Variants in GFRA4 observed in about 807,000 individuals in gnomAD.
GFRA4 encodes the protein GDNF family receptor alpha 4, also known as GDNF family receptor alpha-4.
A neutral mutation model predicts 28.5 loss-of-function variants in GFRA4; 31 were observed. The ratio of observed to expected loss-of-function variants is 1.09; its 90% CI spans 0.82 to 1.47. The LOEUF is 1.47. Ranked by LOEUF, GFRA4 falls within the 40% of genes most tolerant of loss-of-function variation. The pLI, the probability that GFRA4 is intolerant of heterozygous loss-of-function variation, is 0.00. For missense variants in GFRA4, 389 were observed against 413.2 expected (o/e 0.94, Z 0.51); for synonymous variants, 188 against 188.0 (o/e 1.00, Z 0.00).
At position 3,660,664 on chromosome 20, in the gene GFRA4, C is replaced by T. The variant is rs768661396; in HGVS notation, c.503-4G>A. ...TAGTTAGGGGTGACGGCGGTGCCTGCGGGGACCCTGAGGGCGAAGTCATCG... is the reference window on the plus strand; with the variant it reads ...TAGTTAGGGGTGACGGCGGTGCCTGTGGGGACCCTGAGGGCGAAGTCATCG... On this transcript the variant is annotated splice_region_variant and splice_polypyrimidine_tract_variant and intron_variant, in intron 3 of 5. Coordinates refer to ENST00000290417, the MANE Select transcript of GFRA4 (RefSeq NM_022139.4). 1.3e-6 allele frequency: 2 copies of T among 1,546,092 alleles called. No homozygotes were observed. Among genetic ancestry groups the T allele is most frequent in the Non-Finnish European group, 1.7e-6 (2 of 1,145,452 alleles).
chr20:3,659,465 C>T lies in GFRA4; in HGVS notation c.*444G>A, dbSNP rs368325338. ...CCAGTTGGGAGGATGCAGTGTTAGA[C>T]GGGGTCTTGTCCGATGGATTCCTTA... On this transcript the variant is annotated 3_prime_UTR_variant, in exon 6 of 6. Transcript: ENST00000290417. 2 of 187,068 alleles carry T rather than the reference C, an allele frequency of 1.1e-5. No individual in the cohort carries two copies. The highest frequency in any genetic ancestry group is 2.3e-5 in the Non-Finnish European group (2 of 88,654). 11.6% of individuals were successfully genotyped at this position (187,068 alleles called of 1,614,324 possible). A position where few individuals can be genotyped will look rare whatever the true frequency, so the allele number is the denominator to read the frequency against.
chr20:3,659,495 G>T lies in GFRA4; in HGVS notation c.*414C>A, dbSNP rs535048113. On this transcript the variant is annotated 3_prime_UTR_variant, in exon 6 of 6. Coordinates refer to ENST00000290417, the MANE Select transcript of GFRA4 (RefSeq NM_022139.4). ...TCTTGTCCGATGGATTCCTTAGGGG[G>T]TTATATGCTTGGGAGGCTGATACAA... The T allele has an allele frequency of 2.7e-5, 6 of 221,358 alleles. No individual in the cohort carries two copies. Among genetic ancestry groups the T allele is most frequent in the South Asian group, 2.4e-4 (4 of 16,798 alleles). The allele number at this position is 221,358 out of a possible 1,614,324, so 13.7% of individuals were successfully genotyped here.
At position 3,660,890 on chromosome 20, in the gene GFRA4, G is replaced by A. The variant is rs760029784; in HGVS notation, c.393-26C>T. ...CTGCGCGGCGGGAGGGCGGTGAGCC[G>A]GAGAGAGGCCCCGTCCCCACCCTCG... On this transcript the variant is annotated intron_variant, in intron 2 of 5. Coordinates refer to ENST00000290417, the MANE Select transcript of GFRA4 (RefSeq NM_022139.4). 4.3e-5 allele frequency: 60 copies of A among 1,401,422 alleles called. No individual in the cohort carries two copies. Among genetic ancestry groups the A allele is most frequent in the Non-Finnish European group, 5.5e-5 (60 of 1,088,630 alleles). The allele number at this position is 1,401,422 out of a possible 1,614,324, so 86.8% of individuals were successfully genotyped here.
In GFRA4 at chr20:3,661,645, C is replaced by T. The variant is rs891710784; in HGVS notation, c.47-356G>A. 5.3e-5 allele frequency among the ~76,000 whole-genome samples: 8 copies of T among 152,276 alleles called. No homozygotes were observed. In the East Asian group the frequency reaches 9.7e-4, roughly 18 times the overall value. On this transcript the variant is annotated intron_variant, in intron 1 of 5. Transcript: ENST00000290417. ...TCCTACACTCAATGGCACTACCTGACGGGGGAACAATGAGGCTTTCTGGGG... is the reference window on the plus strand; with the variant it reads ...TCCTACACTCAATGGCACTACCTGATGGGGGAACAATGAGGCTTTCTGGGG...
chr20:3,660,595 C>T lies in GFRA4; in HGVS notation c.568G>A (p.Gly190Arg), dbSNP rs1256731635. Residue 190 changes from glycine to arginine, a missense_variant, in exon 4 of 6, where the codon GGA (glycine) becomes AGA (arginine). Coordinates refer to ENST00000290417, the MANE Select transcript of GFRA4 (RefSeq NM_022139.4). Reference sequence around the variant, plus strand: ...TCCTCACGCCGGTTCCCGCTGGCTCCGCAGTCGCACCAGGGCGCCACGCGC... The same window carrying T: ...TCCTCACGCCGGTTCCCGCTGGCTCTGCAGTCGCACCAGGGCGCCACGCGC... ...SARVAPWCDC[G>R]ASGNRREDCE... is the part of the protein sequence containing the mutation. 1.6e-5 allele frequency: 25 copies of T among 1,550,914 alleles called. No individual in the cohort carries two copies. Among genetic ancestry groups the T allele is most frequent in the African/African-American group, 2.7e-5 (2 of 73,140 alleles).
chr20:3,660,812 C>G lies in GFRA4; in HGVS notation c.445G>C (p.Asp149His). Reference sequence around the variant, plus strand: ...GCGCCCTGGTCCAGCAGGCAGCCGTCGGGGGCGCTGGGCGCTGGGGTGCAC... The same window carrying G: ...GCGCCCTGGTCCAGCAGGCAGCCGTGGGGGGCGCTGGGCGCTGGGGTGCAC... ...VSCTPAPSAP[D>H]GCLLDQGARC... Residue 149 changes from aspartate (D) to histidine (H), a missense_variant, in exon 3 of 6, where the codon GAC becomes CAC. Coordinates refer to ENST00000290417, the MANE Select transcript of GFRA4 (RefSeq NM_022139.4). 5 of 1,415,192 alleles carry G rather than the reference C, an allele frequency of 3.5e-6. 1 individual carries two copies. The highest frequency in any genetic ancestry group is 4.4e-4 in the Middle Eastern group (2 of 4,516). 87.7% of individuals were successfully genotyped at this position (1,415,192 alleles called of 1,614,324 possible).
At position 3,663,393 on chromosome 20, in the gene GFRA4, G is replaced by A. The variant is rs143428131; in HGVS notation, c.7C>T (p.Arg3Cys). MV[R>C]CLGPALLLLL... Reference sequence around the variant, plus strand: ...AGCAGCAGCGCAGGCCCCAGGCAGCGGACCATGCTGGACCTTCAACAGAGA... The same window carrying A: ...AGCAGCAGCGCAGGCCCCAGGCAGCAGACCATGCTGGACCTTCAACAGAGA... Residue 3 changes from arginine (R) to cysteine (C), a missense_variant, in exon 1 of 6, where the codon CGC becomes TGC. Transcript: ENST00000290417. The A allele has an allele frequency of 1.6e-4, 265 of 1,609,336 alleles. 1 individual carries two copies. In the African/African-American group the frequency reaches 3.1e-3, roughly 19 times the overall value.
At chr20:3,660,919 C>A in intron 2 of GFRA4, 25 bp downstream of exon 2, 1 of 1,378,118 alleles carries the variant, frequency 7.3e-7, no homozygotes, top group African/African-American at 1.5e-5. Flanking sequence ...ACCCTCGCCA[C>A]GGCCCCGCCG....
intron 1 of GFRA4, among the ~76,000 whole-genome samples, chr20:3,661,512 T>C (rs1044194513): frequency 4.6e-5 from 7 of 152,110 alleles, no homozygotes; most frequent in Admixed American, 1.3e-4. Context: ...AGAGGGAGCA[T>C]GGAGGCTGAG....
rs574940551 is a variant in GFRA4 at position 3,661,506 on chromosome 20, G to A, written c.47-217C>T. ...TCTGCAACACGTCAGGGATGGAGAGGGAGCATGGAGGCTGAGCCAGGCCTT... is the reference window on the plus strand; with the variant it reads ...TCTGCAACACGTCAGGGATGGAGAGAGAGCATGGAGGCTGAGCCAGGCCTT... On this transcript the variant is annotated intron_variant, in intron 1 of 5. Transcript: ENST00000290417. Among the ~76,000 whole-genome samples, 110 of 152,324 alleles carry A rather than the reference G, an allele frequency of 7.2e-4. 1 individual carries two copies. Among genetic ancestry groups the A allele is most frequent in the African/African-American group, 2.6e-3 (107 of 41,578 alleles).
chr20:3,662,974 C>T (rs1568787845), intron 1 of GFRA4, among the ~76,000 whole-genome samples: 1 of 152,294 alleles, frequency 6.6e-6, no homozygotes, highest in East Asian at 1.9e-4. Context: ...ACGGAGCAGT[C>T]CAAGAAGGTG....
In GFRA4 at chr20:3,663,344, G is replaced by A; in HGVS notation, c.46+10C>T. ...GGGTTCGGGGTCCAGGGGAAGAGAG[G>A]GGCGCTCACCCAGTAACAGCAGCAG... is the stretch of plus-strand genomic sequence containing the variant. On this transcript the variant is annotated intron_variant, in intron 1 of 5. Transcript: ENST00000290417. 1 of 1,609,342 alleles carries A rather than the reference G, an allele frequency of 6.2e-7. No individual in the cohort carries two copies. Among genetic ancestry groups the A allele is most frequent in the Non-Finnish European group, 8.5e-7 (1 of 1,178,584 alleles).
chr20:3,659,904 C>T lies in GFRA4; in HGVS notation c.*5G>A, dbSNP rs775360551. On this transcript the variant is annotated 3_prime_UTR_variant, in exon 6 of 6. Coordinates refer to ENST00000290417, the MANE Select transcript of GFRA4 (RefSeq NM_022139.4). ...TGGCTGTGCTATCCGAGGTCGCTGT[C>T]CTAATCAGAGCAGGGCCGGGAGAGC... 1.3e-6 allele frequency: 2 copies of T among 1,590,266 alleles called. No homozygotes were observed. Among genetic ancestry groups the T allele is most frequent in the Non-Finnish European group, 8.6e-7 (1 of 1,169,518 alleles).
chr20:3,661,157 G>T lies in GFRA4; in HGVS notation c.179C>A (p.Pro60His), dbSNP rs1215056468. ...CAGGGCCCGGCGGCAGCGGGCGCGG[G>T]GACAGCCCCCCTGCGCAGCCCGGCC... ...CLGRAAQGGC[P>H]RARCRRALRR... Residue 60 changes from proline to histidine, a missense_variant, in exon 2 of 6, where the codon CCC (proline) becomes CAC (histidine). Pro to His is a moderately conservative substitution (Grantham distance 77). Transcript: ENST00000290417. The T allele has an allele frequency of 2.9e-6, 4 of 1,360,656 alleles. No homozygotes were observed. The highest frequency in any genetic ancestry group is 6.2e-5 in the East Asian group (2 of 32,380). 84.3% of individuals were successfully genotyped at this position (1,360,656 alleles called of 1,614,324 possible). A position where few individuals can be genotyped will look rare whatever the true frequency, so the allele number is the denominator to read the frequency against.
intron 3 of GFRA4, 21 bp downstream of exon 3, chr20:3,660,734 C>G (rs906231917): frequency 6.9e-7 from 1 of 1,442,868 alleles, no homozygotes; most frequent in African/African-American, 1.5e-5. Context: ...CCGCCCTCGC[C>G]CGGATCCCGG....
intron 1 of GFRA4, 110 bp downstream of exon 1, chr20:3,663,244 C>T (rs1042387859): frequency 2.9e-6 from 4 of 1,356,532 alleles, no homozygotes; most frequent in Admixed American, 4.0e-5. Flanking sequence ...ACTGGCAACC[C>T]TTCCTGTGGT....
Position 3,660,563 on chromosome 20 carries a change from T to C in GFRA4, c.600A>G (p.Glu200=), listed in dbSNP as rs1306889510. 7.8e-6 allele frequency: 12 copies of C among 1,542,310 alleles called. No individual in the cohort carries two copies. In the East Asian group the frequency reaches 2.7e-4, roughly 35 times the overall value. The change falls in exon 4 of 6, where the codon GAA becomes GAG. Residue 200 remains glutamate (E), a synonymous_variant. Transcript: ENST00000290417. ...GASGNRREDC[E]AFRGLFTRNR... ...TCCTGGTAAAGAGCCCCCGGAAGGC[T>C]TCGCAGTCCTCACGCCGGTTCCCGC...
chr20:3,662,071 G>A (rs971533737), intron 1 of GFRA4, among the ~76,000 whole-genome samples: 1 of 152,182 alleles, frequency 6.6e-6, no homozygotes. Flanking sequence ...AGAAGTCCCT[G>A]ACGACACACC....
chr20:3,661,497 G>A (rs890986521), intron 1 of GFRA4, among the ~76,000 whole-genome samples: 2 of 152,226 alleles, frequency 1.3e-5, no homozygotes, highest in South Asian at 2.1e-4. Context: ...ACACGTCAGG[G>A]ATGGAGAGGG....
Sources: gnomAD v4.1 joint callset for allele counts (sites outside exome capture counted in the v4.1 genomes callset) on GRCh38, gnomAD v4.1.1 for gene constraint, MANE v1.5 for transcripts, NCBI Gene and HGNC (gene_info 2026-07-23, HGNC 2026-07-21) for gene names.